The following CDH13 variants were observed in gnomAD, a reference collection of about 807,000 sequenced individuals.
The protein encoded by CDH13 is cadherin-13.
In CDH13, 24 loss-of-function variants were observed where a neutral mutation model predicts 63.8. The ratio of observed to expected loss-of-function variants is 0.38; its 90% CI spans 0.27 to 0.53. The LOEUF is 0.53. CDH13 is among the 20% of genes least tolerant of loss of function. CDH13 has a pLI of 0.85. For synonymous variants in CDH13, 503 were observed against 355.3 expected, an observed-to-expected ratio of 1.42 and a Z score of -4.67; for missense variants, 1,049 against 903.1, an observed-to-expected ratio of 1.16 and a Z score of -2.07.
chr16:83,188,869 CG>C (rs1351289166), intron 4 of CDH13, among the ~76,000 whole-genome samples: 1 of 152,060 alleles, frequency 6.6e-6, no homozygotes, highest in Non-Finnish European at 1.5e-5. Context: ...CTCCTGTAGT[CG>C]GGGTGAGTTT....
At chr16:83,315,054 C>G (rs2090078145) in intron 5 of CDH13, among the ~76,000 whole-genome samples, 1 of 152,150 alleles carries the variant, frequency 6.6e-6, no homozygotes, top group Non-Finnish European at 1.5e-5. Context: ...AAAGGGTCAC[C>G]CATGCTGACG....
At chr16:83,116,035 T>C (rs1411666204) in intron 3 of CDH13, among the ~76,000 whole-genome samples, 1 of 152,210 alleles carries the variant, frequency 6.6e-6, no homozygotes, top group Non-Finnish European at 1.5e-5. Context: ...ATCTCACCAC[T>C]TCCTTCAGTT....
intron 1 of CDH13, among the ~76,000 whole-genome samples, chr16:82,762,884 T>A (rs1218489854): frequency 6.6e-6 from 1 of 152,188 alleles, no homozygotes; most frequent in African/African-American, 2.4e-5. Flanking sequence ...TAGCCATTAT[T>A]GTGGAGTCCT....
chr16:82,794,825 C>T (rs555343581), intron 1 of CDH13, among the ~76,000 whole-genome samples: 15 of 152,272 alleles, frequency 9.9e-5, no homozygotes, highest in Admixed American at 7.8e-4. Context: ...TCCTTGGAGG[C>T]TGATTCTTCT....
chr16:83,304,693 G>A (rs1415186810), intron 5 of CDH13, among the ~76,000 whole-genome samples: 1 of 152,194 alleles, frequency 6.6e-6, no homozygotes, highest in East Asian at 1.9e-4. Context: ...TTGTACGAGA[G>A]AGTGTGGATG....
intron 3 of CDH13, among the ~76,000 whole-genome samples, chr16:83,046,725 A>G (rs1010956835): frequency 1.3e-5 from 2 of 152,142 alleles, no homozygotes; most frequent in Non-Finnish European, 2.9e-5. Flanking sequence ...CTGTCTTCCA[A>G]GCAACAGCCC....
At chr16:82,802,856 A>G (rs1287148532) in intron 1 of CDH13, among the ~76,000 whole-genome samples, 1 of 152,186 alleles carries the variant, frequency 6.6e-6, no homozygotes, top group East Asian at 1.9e-4. Flanking sequence ...AACAGTCACA[A>G]AGGACTCTCT....
intron 1 of CDH13, chr16:82,723,074 A>G (rs1482856369): frequency 6.6e-6 from 1 of 152,260 alleles, no homozygotes; most frequent in African/African-American, 2.4e-5. Context: ...GGAAATGAGT[A>G]CTAAAGCCAC....
chr16:83,072,578 C>G (rs1490687203), intron 3 of CDH13, among the ~76,000 whole-genome samples: 1 of 152,266 alleles, frequency 6.6e-6, no homozygotes, highest in East Asian at 1.9e-4. Flanking sequence ...AACTTGAAGT[C>G]AGAACAGTTG....
At chr16:83,307,467 G>A (rs921079407) in intron 5 of CDH13, among the ~76,000 whole-genome samples, 2 of 152,184 alleles carry the variant, frequency 1.3e-5, no homozygotes, top group East Asian at 1.9e-4. Context: ...GCACTTGTCT[G>A]TAGTTGTGTG....
At chr16:82,889,067 C>T (rs1165385892) in intron 2 of CDH13, among the ~76,000 whole-genome samples, 1 of 152,210 alleles carries the variant, frequency 6.6e-6, no homozygotes, top group Non-Finnish European at 1.5e-5. Flanking sequence ...TCTGTGAAGC[C>T]TTCTCTAATG....
At chr16:83,740,840 C>T (rs1381804790) in intron 10 of CDH13, among the ~76,000 whole-genome samples, 2 of 152,238 alleles carry the variant, frequency 1.3e-5, no homozygotes, top group African/African-American at 4.8e-5. Context: ...CTGGACAACT[C>T]TTCTTGTCCA....
intron 2 of CDH13, among the ~76,000 whole-genome samples, chr16:82,873,437 C>T (rs2040408409): frequency 6.6e-6 from 1 of 152,150 alleles, no homozygotes; most frequent in Non-Finnish European, 1.5e-5. Context: ...TTGGAGTCTT[C>T]TTTCACAGTA....
At chr16:83,091,780 G>C (rs1376026752) in intron 3 of CDH13, among the ~76,000 whole-genome samples, 1 of 152,170 alleles carries the variant, frequency 6.6e-6, no homozygotes, top group Non-Finnish European at 1.5e-5. Context: ...AGCATCTATA[G>C]CAGTGCCTGG....
chr16:83,028,731 C>G lies in CDH13; in HGVS notation c.158-3279C>G, dbSNP rs575506869. On this transcript the variant is annotated intron_variant, in intron 2 of 13. Coordinates refer to ENST00000567109, the MANE Select transcript of CDH13 (RefSeq NM_001257.5). ...TTATAACAATAATGAAAATGGCACA[C>G]AATTTGAAACTTATGAATTGTTTAT... is the stretch of plus-strand genomic sequence containing the variant. Among the ~76,000 whole-genome samples the G allele has an allele frequency of 1.0e-3, 156 of 152,272 alleles. 1 individual carries two copies. Among genetic ancestry groups the G allele is most frequent in the African/African-American group, 3.6e-3 (149 of 41,558 alleles).
At chr16:83,342,008 C>CACACACAA (rs2090736039) in intron 5 of CDH13, among the ~76,000 whole-genome samples, 1 of 151,588 alleles carries the variant, frequency 6.6e-6, no homozygotes, top group South Asian at 2.1e-4. Flanking sequence ...CACACACACA[C>CACACACAA]ACACACACAC....
At chr16:83,394,769 G>T (rs911889061) in intron 6 of CDH13, among the ~76,000 whole-genome samples, 6 of 152,178 alleles carry the variant, frequency 3.9e-5, no homozygotes, top group Admixed American at 3.9e-4. Flanking sequence ...AGCAATGGAG[G>T]GATGAGAAAT....
At chr16:83,449,796 C>G (rs189214347) in intron 6 of CDH13, among the ~76,000 whole-genome samples, 2 of 152,268 alleles carry the variant, frequency 1.3e-5, no homozygotes, top group Admixed American at 1.3e-4. Flanking sequence ...GGGACGTTAA[C>G]GCTGGGACGT....
intron 10 of CDH13, among the ~76,000 whole-genome samples, chr16:83,744,302 A>G (rs1912361856): frequency 6.6e-6 from 1 of 152,210 alleles, no homozygotes. Context: ...TCTACTGGGA[A>G]AGTCACACTG....
Sources: allele counts gnomAD v4.1 joint callset (sites outside exome capture counted in the v4.1 genomes callset), GRCh38; gene constraint gnomAD v4.1.1; transcripts MANE v1.5; gene names NCBI Gene and HGNC (gene_info 2026-07-23, HGNC 2026-07-21).